PREX2: variants seen among roughly 807,000 people sequenced by gnomAD.
PREX2 encodes the protein phosphatidylinositol 3,4,5-trisphosphate-dependent Rac exchanger 2 protein.
A neutral mutation model predicts 203.2 loss-of-function variants in PREX2; 107 were observed. That is an observed-to-expected ratio of 0.53 (90% CI 0.45 to 0.62). The LOEUF is 0.62. Among genes scored for constraint, PREX2 ranks in the 20% least tolerant of loss-of-function variants. The probability of loss-of-function intolerance (pLI) is 0.00; values close to 1 mark genes in which losing one functional copy is unlikely to be tolerated. For missense variants in PREX2, 1,777 were observed against 1,955.9 expected (o/e 0.91, Z 1.72); for synonymous variants, 672 against 663.6 (o/e 1.01, Z -0.19).
Position 68,080,838 on chromosome 8 carries a change from GGTAAT to G in PREX2, c.1878+5_1878+9del. On this transcript the variant is annotated splice_donor_variant and splice_donor_5th_base_variant and intron_variant, in intron 17 of 39. Transcript: ENST00000288368. LOFTEE classifies it high-confidence loss of function. ...TGGTAGAAAAGGGATCTAATGCTGA[GGTAAT>G]GTAAATTAGCGTTTTAATTTAAATT... is the stretch of plus-strand genomic sequence containing the variant. The G allele has an allele frequency of 7.1e-7, 1 of 1,411,974 alleles. No individual in the cohort carries two copies. 87.5% of individuals were successfully genotyped at this position (1,411,974 alleles called of 1,614,324 possible).
chr8:68,129,853 A>T (rs1458788921), intron 31 of PREX2, among the ~76,000 whole-genome samples: 3 of 149,162 alleles, frequency 2.0e-5, no homozygotes, highest in Non-Finnish European at 4.4e-5. Context: ...ATAAAAATAA[A>T]TAATAAAAAT....
chr8:67,959,009 A>T (rs1805560948), intron 1 of PREX2, among the ~76,000 whole-genome samples: 1 of 152,256 alleles, frequency 6.6e-6, no homozygotes, highest in Admixed American at 6.5e-5. Context: ...CTAATCATGT[A>T]TTTTGAAACC....
At chr8:68,084,360 C>T (rs1236492741) in intron 18 of PREX2, among the ~76,000 whole-genome samples, 3 of 151,804 alleles carry the variant, frequency 2.0e-5, no homozygotes, top group Non-Finnish European at 4.4e-5. Flanking sequence ...TTTTAACTAC[C>T]TATTAAAAGT....
rs192026595 is a variant in PREX2, at chr8:68,113,399, G to A, written c.3147-2354G>A. ...ATTTTTTCCCTCTTTGGTATTCAGA[G>A]TTCATCTGTCTGTGCAGCATGGAGC... On this transcript the variant is annotated intron_variant, in intron 25 of 39. Coordinates refer to ENST00000288368, the MANE Select transcript of PREX2 (RefSeq NM_024870.4). Among the ~76,000 whole-genome samples the A allele has an allele frequency of 1.7e-3, 266 of 152,282 alleles. 2 individuals are homozygous for A. Among genetic ancestry groups the A allele is most frequent in the African/African-American group, 6.1e-3 (255 of 41,558 alleles).
chr8:68,190,007 TA>T (rs1479268902), intron 35 of PREX2, among the ~76,000 whole-genome samples: 3 of 152,186 alleles, frequency 2.0e-5, no homozygotes, highest in Non-Finnish European at 4.4e-5. Flanking sequence ...TACTTTATTT[TA>T]AAAAGACAAA....
intron 1 of PREX2, among the ~76,000 whole-genome samples, chr8:68,003,842 C>CT (rs148890144): frequency 0.03 from 2,696 of 90,514 alleles, 129 homozygotes; most frequent in African/African-American, 0.08. Context: ...CTGGCCTGAC[C>CT]TTTTTTTTTT....
At chr8:68,086,409 C>T (rs1563537434) in intron 18 of PREX2, among the ~76,000 whole-genome samples, 1 of 152,164 alleles carries the variant, frequency 6.6e-6, no homozygotes, top group Non-Finnish European at 1.5e-5. Flanking sequence ...ATAAGTCCTG[C>T]TGTATCTACC....
At chr8:68,209,517 A>G (rs960275978) in intron 37 of PREX2, among the ~76,000 whole-genome samples, 1 of 152,196 alleles carries the variant, frequency 6.6e-6, no homozygotes, top group African/African-American at 2.4e-5. Flanking sequence ...GACTGTCCTT[A>G]TATACATAAT....
At chr8:68,003,251 A>G (rs1306464508) in intron 1 of PREX2, among the ~76,000 whole-genome samples, 1 of 152,118 alleles carries the variant, frequency 6.6e-6, no homozygotes, top group Non-Finnish European at 1.5e-5. Flanking sequence ...CCTGGGCTCA[A>G]GTGATCCTCC....
intron 33 of PREX2, among the ~76,000 whole-genome samples, chr8:68,144,004 A>G (rs533426703): frequency 6.6e-6 from 1 of 152,182 alleles, no homozygotes; most frequent in South Asian, 2.1e-4. Context: ...GACTATATAT[A>G]TGTTGGACTG....
intron 33 of PREX2, among the ~76,000 whole-genome samples, chr8:68,140,248 C>A (rs959361122): frequency 6.6e-6 from 1 of 152,160 alleles, no homozygotes; most frequent in Non-Finnish European, 1.5e-5. Context: ...CAGATACAGG[C>A]ATTCTGAATA....
At chr8:68,158,334 C>T (rs1811587353) in intron 35 of PREX2, among the ~76,000 whole-genome samples, 8 of 151,664 alleles carry the variant, frequency 5.3e-5, no homozygotes, top group Admixed American at 5.3e-4. Flanking sequence ...ATTTTTTGTC[C>T]TGTCAACTTA....
intron 1 of PREX2, among the ~76,000 whole-genome samples, chr8:67,971,600 C>T (rs1805930396): frequency 6.6e-6 from 1 of 152,056 alleles, no homozygotes; most frequent in African/African-American, 2.4e-5. Flanking sequence ...GATGCACTGA[C>T]AAAATCCACT....
At chr8:67,957,249 TA>T (rs1805518045) in intron 1 of PREX2, among the ~76,000 whole-genome samples, 1 of 152,240 alleles carries the variant, frequency 6.6e-6, no homozygotes, top group Non-Finnish European at 1.5e-5. Flanking sequence ...GATATTCTTA[TA>T]AATGCTCATT....
chr8:68,131,660 C>T (rs765966413), intron 31 of PREX2, among the ~76,000 whole-genome samples: 22 of 152,062 alleles, frequency 1.4e-4, no homozygotes, highest in African/African-American at 2.7e-4. Context: ...TATATAGTAG[C>T]AGAGTATAGA....
At chr8:68,092,865 G>A (rs1209990514) in intron 20 of PREX2, among the ~76,000 whole-genome samples, 1 of 152,102 alleles carries the variant, frequency 6.6e-6, no homozygotes, top group African/African-American at 2.4e-5. Flanking sequence ...CGTTGCTCAG[G>A]TTGGTCTTGA....
intron 1 of PREX2, among the ~76,000 whole-genome samples, chr8:67,985,224 G>A (rs1806382545): frequency 6.6e-6 from 1 of 152,170 alleles, no homozygotes; most frequent in African/African-American, 2.4e-5. Context: ...CATTTGGTAG[G>A]CTTTGCTGCC....
chr8:68,117,299 T>A (rs1431746679), intron 26 of PREX2, among the ~76,000 whole-genome samples: 1 of 152,260 alleles, frequency 6.6e-6, no homozygotes, highest in African/African-American at 2.4e-5. Context: ...ATCATTTACC[T>A]ATGAGACCAG....
intron 7 of PREX2, among the ~76,000 whole-genome samples, chr8:68,039,768 A>G (rs1434628409): frequency 6.6e-6 from 1 of 152,136 alleles, no homozygotes; most frequent in African/African-American, 2.4e-5. Context: ...AATCCATTAG[A>G]AAATCTTCCT....
Sources: allele counts gnomAD v4.1 joint callset (sites outside exome capture counted in the v4.1 genomes callset), GRCh38; gene constraint gnomAD v4.1.1; transcripts MANE v1.5; gene names NCBI Gene and HGNC (gene_info 2026-07-23, HGNC 2026-07-21).